Variants in SYNM observed in about 807,000 individuals in gnomAD.
SYNM encodes the protein synemin, also known as desmuslin.
In SYNM, 95 loss-of-function variants were observed where a neutral mutation model predicts 104.0. The observed-to-expected ratio is 0.91, with a 90% CI of 0.77 to 1.08. The LOEUF (loss-of-function observed/expected upper bound fraction) is 1.08. Ranked by LOEUF, SYNM falls within the 50% of genes least tolerant of loss-of-function variation. The pLI is 0.00. For synonymous variants in SYNM, 918 were observed against 869.0 expected, an observed-to-expected ratio of 1.06 and a Z score of -0.99; for missense variants, 2,150 against 2,052.2, an observed-to-expected ratio of 1.05 and a Z score of -0.92.
downstream of SYNM, among the ~76,000 whole-genome samples, chr15:99,135,894 C>T (rs1168116744): frequency 6.6e-6 from 1 of 152,180 alleles, no homozygotes; most frequent in Non-Finnish European, 1.5e-5. Flanking sequence ...GGCAGTAGGA[C>T]ACCACCAACC....
Position 99,131,723 on chromosome 15 carries a change from C to G in SYNM, c.3363C>G (p.Ser1121Arg), listed in dbSNP as rs1291697556. 6.2e-7 allele frequency: 1 copy of G among 1,613,630 alleles called. No homozygotes were observed. Among genetic ancestry groups the G allele is most frequent in the African/African-American group, 1.3e-5 (1 of 74,938 alleles). The stretch of plus-strand genomic sequence containing the variant: ...AGTCACAGGTGCTGGAGGATGTGAG[C>G]CAGGCTGCAAGGCACATAAAACTCG... ...FAQSQVLEDV[S>R]QAARHIKLGP... Residue 1121 changes from serine to arginine, a missense_variant, in exon 4 of 4, where the codon AGC becomes AGG. Coordinates refer to ENST00000336292, the MANE Select transcript of SYNM (RefSeq NM_145728.3). This position sits in a 1 kb window ranked among gnomAD's most constrained non-coding sequence, Gnocchi z 4.3.
rs369385343 is a variant in SYNM, at chr15:99,116,547, C to T, written c.935+2832C>T. On this transcript the variant is annotated intron_variant, in intron 2 of 3. Transcript: ENST00000336292. ...ACAGTTGTGCAGGCTGTACCGGAAT[C>T]GTGGTGCTGGCATCTGCTCCTGGTG... Among the ~76,000 whole-genome samples, 395 of 144,078 alleles carry T rather than the reference C, an allele frequency of 2.7e-3. 59 individuals are homozygous for T. The Middle Eastern group carries it at 0.066, about 24-fold the overall frequency. 94.5% of individuals were successfully genotyped at this position (144,078 alleles called of 152,430 possible).
intron 1 of SYNM, among the ~76,000 whole-genome samples, chr15:99,106,771 G>C (rs2067248970): frequency 6.6e-6 from 1 of 152,102 alleles, no homozygotes; most frequent in Admixed American, 6.6e-5. Flanking sequence ...TGTAAACTAT[G>C]CCCAGTCCAG....
chr15:99,132,389 G>T lies in SYNM; in HGVS notation c.4029G>T (p.Val1343=). ...AATCTGGTGACTCAGAGAGCACTGT[G>T]CACGGAGAGGGCTCAGCAGATGTGC... The part of the protein sequence containing the change: ...LGESGDSEST[V]HGEGSADVHQ... The change falls in exon 4 of 4, where the codon GTG becomes GTT. Residue 1343 remains valine (V), a synonymous_variant. Transcript: ENST00000336292. The T allele has an allele frequency of 1.9e-6, 3 of 1,613,998 alleles. No individual in the cohort carries two copies. Among genetic ancestry groups the T allele is most frequent in the Non-Finnish European group, 2.5e-6 (3 of 1,179,886 alleles).
chr15:99,136,554 A>T (rs1009183388), downstream of SYNM: 4 of 152,146 alleles, frequency 2.6e-5, no homozygotes, highest in Non-Finnish European at 5.9e-5. Context: ...GAGAGAGATC[A>T]TCTCTCTGGT....
downstream of SYNM, among the ~76,000 whole-genome samples, chr15:99,135,858 T>G (rs1555486653): frequency 6.6e-6 from 1 of 152,224 alleles, no homozygotes; most frequent in Non-Finnish European, 1.5e-5. Context: ...GGTAAAAATG[T>G]CATCATCACA....
At position 99,121,784 on chromosome 15, in the gene SYNM, A is replaced by G. The variant is rs552829098; in HGVS notation, c.936-4938A>G. On this transcript the variant is annotated intron_variant, in intron 2 of 3. Coordinates refer to ENST00000336292, the MANE Select transcript of SYNM (RefSeq NM_145728.3). The stretch of plus-strand genomic sequence containing the variant: ...AAAGATACTCAATATTGAAACAACA[A>G]ATGCAAGAATACCCAGGGGTAGACA... Among the ~76,000 whole-genome samples the G allele has an allele frequency of 6.5e-4, 99 of 152,322 alleles. 2 individuals are homozygous for G. In the South Asian group the frequency reaches 0.015, roughly 22 times the overall value.
chr15:99,113,008 G>T (rs2067314279), intron 1 of SYNM, among the ~76,000 whole-genome samples: 1 of 152,148 alleles, frequency 6.6e-6, no homozygotes, highest in South Asian at 2.1e-4. Flanking sequence ...ACCACGCTAG[G>T]CCCAAAAAGA....
chr15:99,129,769 A>G lies in SYNM; in HGVS notation c.1409A>G (p.Glu470Gly), dbSNP rs1555485461. 3.1e-6 allele frequency: 5 copies of G among 1,613,662 alleles called. No homozygotes were observed. The highest frequency in any genetic ancestry group is 4.2e-6 in the Non-Finnish European group (5 of 1,179,810). Residue 470 changes from glutamate (E) to glycine (G), a missense_variant, in exon 4 of 4, where the codon GAG becomes GGG. Transcript: ENST00000336292. The part of the protein sequence containing the change: ...YIGEDSTIAR[E>G]SYRDRRDKVA... Reference sequence around the variant, plus strand: ...GGTGAAGATTCCACAATTGCCCGCGAGTCGTACCGGGATCGCCGAGACAAG... The same window carrying G: ...GGTGAAGATTCCACAATTGCCCGCGGGTCGTACCGGGATCGCCGAGACAAG...
At position 99,105,525 on chromosome 15, in the gene SYNM, TG is replaced by T. The variant is rs2067224730; in HGVS notation, c.328del (p.Asp110ThrfsTer43). The T allele has an allele frequency of 8.0e-7, 1 of 1,253,782 alleles. No homozygotes were observed. Among genetic ancestry groups the T allele is most frequent in the Non-Finnish European group, 1.0e-6 (1 of 1,001,910 alleles). The allele number at this position is 1,253,782 out of a possible 1,614,324, so 77.7% of individuals were successfully genotyped here. On this transcript the variant is annotated frameshift_variant, in exon 1 of 4. Coordinates refer to ENST00000336292, the MANE Select transcript of SYNM (RefSeq NM_145728.3). LOFTEE classifies it high-confidence loss of function. ...DAEERAARGR[L>X]DAELGAQQRE... ...GAGGAGCGCGCCGCCCGCGGCCGCC[TG>T]GACGCCGAGCTGGGTGCGCAGCAGC...
rs1555482610 is a variant in SYNM at position 99,105,835 on chromosome 15, G to C, written c.636G>C (p.Ala212=). The C allele has an allele frequency of 3.2e-6, 5 of 1,542,338 alleles. No individual in the cohort carries two copies. Among genetic ancestry groups the C allele is most frequent in the Admixed American group, 2.0e-5 (1 of 50,850 alleles). ...YEDEVRELEE[A]LRRGQESRLQ... is the part of the protein sequence containing the mutation. ...ACGAGGTGCGCGAGCTGGAGGAGGCGCTGCGGCGCGGCCAGGAGAGCAGAC... is the reference window on the plus strand; with the variant it reads ...ACGAGGTGCGCGAGCTGGAGGAGGCCCTGCGGCGCGGCCAGGAGAGCAGAC... The change falls in exon 1 of 4, where the codon GCG becomes GCC. Residue 212 remains alanine, a synonymous_variant. Coordinates refer to ENST00000336292, the MANE Select transcript of SYNM (RefSeq NM_145728.3).
intron 1 of SYNM, 68 bp from the exon 2 acceptor site, chr15:99,113,523 T>C: frequency 1.3e-6 from 2 of 1,594,384 alleles, no homozygotes. Context: ...TCCTGAATTG[T>C]TGGTACCTTC....
At chr15:99,126,537 C>G (rs985788701) in intron 2 of SYNM, among the ~76,000 whole-genome samples, 185 bp from the exon 3 acceptor site, 2 of 152,254 alleles carry the variant, frequency 1.3e-5, no homozygotes, top group African/African-American at 2.4e-5. Context: ...TGGCCCAGGT[C>G]TGCTGAGGCT....
At position 99,105,733 on chromosome 15, in the gene SYNM, A is replaced by G. The variant is rs1555482576; in HGVS notation, c.534A>G (p.Pro178=). The part of the protein sequence containing the change: ...ARATGPAAPP[P]RLREVHDSYA... ...CCACCGGCCCCGCCGCGCCGCCGCCACGCCTGCGGGAGGTGCACGACAGCT... is the reference window on the plus strand; with the variant it reads ...CCACCGGCCCCGCCGCGCCGCCGCCGCGCCTGCGGGAGGTGCACGACAGCT... Residue 178 remains proline (P), a synonymous_variant, in exon 1 of 4, where the codon CCA becomes CCG. Transcript: ENST00000336292. 6.7e-7 allele frequency: 1 copy of G among 1,503,136 alleles called. No homozygotes were observed. Among genetic ancestry groups the G allele is most frequent in the Non-Finnish European group, 8.9e-7 (1 of 1,129,244 alleles). The allele number at this position is 1,503,136 out of a possible 1,614,324, so 93.1% of individuals were successfully genotyped here.
chr15:99,129,310 A>T, intron 3 of SYNM, 57 bp from the exon 4 acceptor site: 1 of 1,581,732 alleles, frequency 6.3e-7, no homozygotes, highest in Middle Eastern at 1.7e-4. Context: ...ATGCTTGTAG[A>T]TGGAAAAGGG....
chr15:99,105,652 C>T lies in SYNM; in HGVS notation c.453C>T (p.Asp151=). 7.2e-7 allele frequency: 1 copy of T among 1,385,094 alleles called. No homozygotes were observed. The allele number at this position is 1,385,094 out of a possible 1,614,324, so 85.8% of individuals were successfully genotyped here. A position where few individuals can be genotyped will look rare whatever the true frequency, so the allele number is the denominator to read the frequency against. The stretch of plus-strand genomic sequence containing the variant: ...GCCTCGACGCGGCCCACGAACGCGA[C>T]GTGAGGGAGCTGCGCGCGCGCGCCG... The part of the protein sequence containing the change: ...RRGLDAAHER[D]VRELRARAAS... Residue 151 remains aspartate (D), a synonymous_variant, in exon 1 of 4, where the codon GAC becomes GAT. Coordinates refer to ENST00000336292, the MANE Select transcript of SYNM (RefSeq NM_145728.3).
rs2067328423 is a variant in SYNM, at chr15:99,114,458, CGTGTCACAGGATTTGGACCCAGGAAGTCT to C, written c.935+749_935+777del. On this transcript the variant is annotated intron_variant, in intron 2 of 3. Coordinates refer to ENST00000336292, the MANE Select transcript of SYNM (RefSeq NM_145728.3). Reference sequence around the variant, plus strand: ...TTTGGGTGGGGACCCAGAGCCAAACCGTGTCACAGGATTTGGACCCAGGAAGTCTGTGTCTATCTGCTTGATTGTTGCTT... The same window carrying C: ...TTTGGGTGGGGACCCAGAGCCAAACCGTGTCTATCTGCTTGATTGTTGCTT... Among the ~76,000 whole-genome samples, 3 of 151,908 alleles carry C rather than the reference CGTGTCACAGGATTTGGACCCAGGAAGTCT, an allele frequency of 2.0e-5. No homozygotes were observed. The South Asian group carries it at 6.2e-4, about 32-fold the overall frequency.
chr15:99,121,246 C>T (rs565747725), intron 2 of SYNM, among the ~76,000 whole-genome samples: 22 of 152,010 alleles, frequency 1.4e-4, no homozygotes, highest in African/African-American at 5.1e-4. Context: ...CTGTGGCATG[C>T]AGGGGCAGTC....
chr15:99,114,226 C>T (rs797033478), intron 2 of SYNM, among the ~76,000 whole-genome samples: 19 of 152,128 alleles, frequency 1.2e-4, no homozygotes, highest in African/African-American at 4.3e-4. Context: ...ACAATCGTGG[C>T]GGAAGGCAAA....
Sources: allele counts gnomAD v4.1 joint callset (sites outside exome capture counted in the v4.1 genomes callset), GRCh38; gene constraint gnomAD v4.1.1; non-coding constraint Gnocchi (gnomAD v3.1); transcripts MANE v1.5; gene names NCBI Gene and HGNC (gene_info 2026-07-23, HGNC 2026-07-21).